Variants in ZKSCAN8 observed in about 807,000 individuals in gnomAD.
ZKSCAN8 encodes zinc finger protein with KRAB and SCAN domains 8.
In ZKSCAN8, 27 loss-of-function variants were observed where a neutral mutation model predicts 57.2. The ratio of observed to expected loss-of-function variants is 0.47; its 90% CI spans 0.35 to 0.65. The LOEUF is 0.65. Ranked by LOEUF, ZKSCAN8 falls within the 30% of genes least tolerant of loss-of-function variation. ZKSCAN8 has a pLI of 0.01. For missense variants in ZKSCAN8, 597 were observed against 696.3 expected, an observed-to-expected ratio of 0.86 and a Z score of 1.60; for synonymous variants, 214 against 248.7, an observed-to-expected ratio of 0.86 and a Z score of 1.31.
chr6:28,152,027 C>T, intron 4 of ZKSCAN8, 91 bp downstream of exon 4: 1 of 1,457,634 alleles, frequency 6.9e-7, no homozygotes, highest in Admixed American at 1.9e-5. Flanking sequence ...TAGTTTGTAG[C>T]AGTACCTACC....
chr6:28,150,934 G>A (rs963591228), intron 3 of ZKSCAN8, among the ~76,000 whole-genome samples: 1 of 152,244 alleles, frequency 6.6e-6, no homozygotes, highest in Non-Finnish European at 1.5e-5. Context: ...AGCTTCCCCA[G>A]TAGCTGGGAT....
At chr6:28,142,313 C>G (rs145307513) in intron 1 of ZKSCAN8, 4 of 152,108 alleles carry the variant, frequency 2.6e-5, no homozygotes, top group Admixed American at 2.6e-4. Context: ...GAACGCCCCC[C>G]CCATGTTATT....
chr6:28,145,561 G>A (rs768634820), intron 1 of ZKSCAN8, among the ~76,000 whole-genome samples: 3 of 152,112 alleles, frequency 2.0e-5, no homozygotes, highest in Non-Finnish European at 4.4e-5. Flanking sequence ...CATAAACCTG[G>A]TAGTTTAATA....
Position 28,141,950 on chromosome 6 carries a change from T to C in ZKSCAN8, c.-172T>C, listed in dbSNP as rs1225856458. 6.6e-6 allele frequency: 1 copy of C among 152,444 alleles called. No homozygotes were observed. The highest frequency in any genetic ancestry group is 1.5e-5 in the Non-Finnish European group (1 of 68,198). 9.4% of individuals were successfully genotyped at this position (152,444 alleles called of 1,614,324 possible). On this transcript the variant is annotated 5_prime_UTR_variant, in exon 1 of 6. Transcript: ENST00000330236. ...TGGTCCGAGTACAGCTTTCATCGCC[T>C]TTACTCCCCGACCTTCCTTCGAGTC...
rs1485377295 is a variant in ZKSCAN8 at position 28,156,145 on chromosome 6, A to G, written c.*2128A>G. The G allele has an allele frequency of 2.5e-6, 1 of 398,316 alleles. No individual in the cohort carries two copies. The highest frequency in any genetic ancestry group is 2.1e-5 in the African/African-American group (1 of 48,610). 24.7% of individuals were successfully genotyped at this position (398,316 alleles called of 1,614,324 possible). On this transcript the variant is annotated 3_prime_UTR_variant, in exon 6 of 6. Coordinates refer to ENST00000330236, the MANE Select transcript of ZKSCAN8 (RefSeq NM_006298.4). ...TATGATGGGTGCATTGTCAGAGGGA[A>G]AATATATGTGTATGTACACATGTGT... is the stretch of plus-strand genomic sequence containing the variant.
At position 28,148,479 on chromosome 6, in the gene ZKSCAN8, C is replaced by T. The variant is rs146729116; in HGVS notation, c.72C>T (p.Ile24=). The change falls in exon 2 of 6, where the codon ATC becomes ATT. Residue 24 remains isoleucine (I), a synonymous_variant. Coordinates refer to ENST00000330236, the MANE Select transcript of ZKSCAN8 (RefSeq NM_006298.4). ...AGACTCCTGAAGAGGATCTTGTAAT[C>T]GTCAAGGTAGAGGAGGATCATGGTT... is the stretch of plus-strand genomic sequence containing the variant. ...PDQTPEEDLV[I]VKVEEDHGWD... The T allele has an allele frequency of 4.0e-5, 65 of 1,614,086 alleles. No homozygotes were observed. Among genetic ancestry groups the T allele is most frequent in the Middle Eastern group, 1.7e-4 (1 of 6,060 alleles).
At chr6:28,143,611 A>C (rs576643476) in intron 1 of ZKSCAN8, among the ~76,000 whole-genome samples, 2 of 152,142 alleles carry the variant, frequency 1.3e-5, no homozygotes, top group Non-Finnish European at 2.9e-5. Flanking sequence ...GCCATTATGG[A>C]TGAGGATTGC....
rs1765315999 is a variant in ZKSCAN8, at chr6:28,144,317, T to C, written c.-93+2288T>C. On this transcript the variant is annotated intron_variant, in intron 1 of 5. Transcript: ENST00000330236. This position sits in a 1 kb window ranked among gnomAD's most constrained non-coding sequence, Gnocchi z 4.5. ...TGGACATTTTGCTGGAAAGAAGTTCTGTGTTTTCTTTAGGTTGAAGAGTCT... is the reference window on the plus strand; with the variant it reads ...TGGACATTTTGCTGGAAAGAAGTTCCGTGTTTTCTTTAGGTTGAAGAGTCT... The C allele has an allele frequency of 1.3e-5, 2 of 152,248 alleles. No homozygotes were observed. The highest frequency in any genetic ancestry group is 4.8e-5 in the African/African-American group (2 of 41,440). The allele number at this position is 152,248 out of a possible 1,614,324, so 9.4% of individuals were successfully genotyped here.
Position 28,148,306 on chromosome 6 carries a change from C to T in ZKSCAN8, c.-92-10C>T. The T allele has an allele frequency of 7.9e-7, 1 of 1,264,490 alleles. No individual in the cohort carries two copies. Among genetic ancestry groups the T allele is most frequent in the Non-Finnish European group, 1.1e-6 (1 of 929,416 alleles). The allele number at this position is 1,264,490 out of a possible 1,614,324, so 78.3% of individuals were successfully genotyped here. On this transcript the variant is annotated splice_polypyrimidine_tract_variant and intron_variant, in intron 1 of 5. Coordinates refer to ENST00000330236, the MANE Select transcript of ZKSCAN8 (RefSeq NM_006298.4). ...ACTTGCCTTAACACTATCATATTTT[C>T]TTCATGAAGAAGTACCCTTAGAAAG...
Position 28,155,849 on chromosome 6 carries a change from T to C in ZKSCAN8, c.*1832T>C, listed in dbSNP as rs1561825898. On this transcript the variant is annotated 3_prime_UTR_variant, in exon 6 of 6. Coordinates refer to ENST00000330236, the MANE Select transcript of ZKSCAN8 (RefSeq NM_006298.4). The stretch of plus-strand genomic sequence containing the variant: ...TCAGAATTATCTACATCAATTTCAT[T>C]GAGCCATTGGTGAATGAAGACACCC... 3.4e-6 allele frequency: 1 copy of C among 291,234 alleles called. No individual in the cohort carries two copies. Among genetic ancestry groups the C allele is most frequent in the South Asian group, 1.6e-4 (1 of 6,088 alleles). The allele number at this position is 291,234 out of a possible 1,614,324, so 18.0% of individuals were successfully genotyped here.
chr6:28,147,112 T>C (rs1300064216), intron 1 of ZKSCAN8, among the ~76,000 whole-genome samples: 10 of 151,600 alleles, frequency 6.6e-5, no homozygotes, highest in Non-Finnish European at 1.5e-4. Flanking sequence ...GAGGGAATAC[T>C]TGCAAATTAC....
chr6:28,158,135 T>C lies in ZKSCAN8; in HGVS notation c.*4118T>C, dbSNP rs1466043458. 6.6e-6 allele frequency: 1 copy of C among 152,162 alleles called. No individual in the cohort carries two copies. 9.4% of individuals were successfully genotyped at this position (152,162 alleles called of 1,614,324 possible). ...CCTTTTTTTATTATTATTTCTTGTCTTTTTTGATCTAATTTATATTTTATA... is the reference window on the plus strand; with the variant it reads ...CCTTTTTTTATTATTATTTCTTGTCCTTTTTGATCTAATTTATATTTTATA... On this transcript the variant is annotated 3_prime_UTR_variant, in exon 6 of 6. Coordinates refer to ENST00000330236, the MANE Select transcript of ZKSCAN8 (RefSeq NM_006298.4).
In ZKSCAN8 at chr6:28,153,241, C is replaced by A. The variant is rs373665045; in HGVS notation, c.961C>A (p.Arg321=). Residue 321 remains arginine, a synonymous_variant, in exon 6 of 6, where the codon CGA becomes AGA. Transcript: ENST00000330236. ...GCGGGGAAATCCCACACAAGAGAGA[C>A]GACATAAATGTGATGAATGTGGGAA... ...RQRGNPTQER[R]HKCDECGKSF... is the part of the protein sequence containing the mutation. The A allele has an allele frequency of 6.2e-7, 1 of 1,614,050 alleles. No individual in the cohort carries two copies. Among genetic ancestry groups the A allele is most frequent in the Non-Finnish European group, 8.5e-7 (1 of 1,180,040 alleles).
chr6:28,149,349 C>T (rs1765514307), intron 2 of ZKSCAN8, 134 bp from the exon 3 acceptor site: 2 of 1,166,596 alleles, frequency 1.7e-6, no homozygotes. Flanking sequence ...CCTTACTGTC[C>T]CTAAGAAGTG....
chr6:28,152,537 G>A (rs554328944), intron 5 of ZKSCAN8, among the ~76,000 whole-genome samples, 153 bp downstream of exon 5: 2 of 151,992 alleles, frequency 1.3e-5, no homozygotes, highest in South Asian at 4.2e-4. Flanking sequence ...GAAATCTTAC[G>A]TGAAACTTTT....
intron 1 of ZKSCAN8, among the ~76,000 whole-genome samples, chr6:28,147,457 GAC>G: frequency 6.6e-6 from 1 of 152,298 alleles, no homozygotes; most frequent in African/African-American, 2.4e-5. Context: ...TGTATTTTAT[GAC>G]ACAGCAATTT....
chr6:28,142,261 G>A (rs1765242006), intron 1 of ZKSCAN8: 1 of 152,172 alleles, frequency 6.6e-6, no homozygotes, highest in African/African-American at 2.4e-5. Context: ...TAATCGTGTT[G>A]TGGTATGTTT....
chr6:28,153,986 G>T lies in ZKSCAN8; in HGVS notation c.1706G>T (p.Ser569Ile). The change falls in exon 6 of 6, where the codon AGT (serine) becomes ATT (isoleucine). Residue 569 changes from serine (S) to isoleucine (I), a missense_variant. By Grantham distance (142) the Ser-to-Ile change is moderately radical. Coordinates refer to ENST00000330236, the MANE Select transcript of ZKSCAN8 (RefSeq NM_006298.4). ...CTCATTCGACATCAGAGAATCCACA[G>T]TGGTGAAAAATCTGAATCCATAAGC... ...SSLIRHQRIH[S>I]GEKSESISV 1 of 1,605,560 alleles carries T rather than the reference G, an allele frequency of 6.2e-7. No homozygotes were observed. The highest frequency in any genetic ancestry group is 8.5e-7 in the Non-Finnish European group (1 of 1,176,732).
rs767307348 is a variant in ZKSCAN8, at chr6:28,153,863, A to G, written c.1583A>G (p.Asn528Ser). 3.0e-5 allele frequency: 48 copies of G among 1,613,676 alleles called. No homozygotes were observed. Among genetic ancestry groups the G allele is most frequent in the Admixed American group, 1.7e-4 (10 of 59,982 alleles). The change falls in exon 6 of 6, where the codon AAT (asparagine) becomes AGT (serine). Residue 528 changes from asparagine (N) to serine (S), a missense_variant. Coordinates refer to ENST00000330236, the MANE Select transcript of ZKSCAN8 (RefSeq NM_006298.4). ...TGTAAAGAATGTGGGAAAGCTTTCA[A>G]TGGGAACACTGGTCTCATTCAACAC... ...YKCKECGKAF[N>S]GNTGLIQHLR...
Sources: gnomAD v4.1 joint callset for allele counts (sites outside exome capture counted in the v4.1 genomes callset) on GRCh38, gnomAD v4.1.1 for gene constraint, Gnocchi (gnomAD v3.1) non-coding constraint, MANE v1.5 for transcripts, NCBI Gene and HGNC (gene_info 2026-07-23, HGNC 2026-07-21) for gene names.